Variants in OSBPL3 observed in about 807,000 individuals in gnomAD.
The protein encoded by OSBPL3 is oxysterol binding protein like 3, also known as oxysterol-binding protein-related protein 3.
In OSBPL3, 65 loss-of-function variants were observed where a neutral mutation model predicts 120.1. That is an observed-to-expected ratio of 0.54 (90% confidence interval 0.44 to 0.67). The LOEUF (loss-of-function observed/expected upper bound fraction) is 0.67, where lower values mean the gene tolerates loss of function less well. Among genes scored for constraint, OSBPL3 ranks in the 30% least tolerant of loss-of-function variants. The pLI, the probability that OSBPL3 is intolerant of heterozygous loss-of-function variation, is 0.00. For synonymous variants in OSBPL3, 416 were observed against 402.6 expected, an observed-to-expected ratio of 1.03 and a Z score of -0.40; for missense variants, 1,004 against 1,082.1, an observed-to-expected ratio of 0.93 and a Z score of 1.01.
intron 1 of OSBPL3, among the ~76,000 whole-genome samples, chr7:24,897,690 G>A (rs1002312562): frequency 1.9e-4 from 29 of 152,152 alleles, no homozygotes; most frequent in Admixed American, 1.6e-3. Flanking sequence ...TCCATAATGC[G>A]AGTGTGAACA....
Position 24,930,973 on chromosome 7 carries a change from G to A in OSBPL3, c.-149-38352C>T, listed in dbSNP as rs779620520. 3.3e-5 allele frequency among the ~76,000 whole-genome samples: 5 copies of A among 152,092 alleles called. No homozygotes were observed. Among genetic ancestry groups the A allele is most frequent in the East Asian group, 1.9e-4 (1 of 5,196 alleles). On this transcript the variant is annotated intron_variant, in intron 1 of 22. Coordinates refer to ENST00000313367, the MANE Select transcript of OSBPL3 (RefSeq NM_015550.4). This position sits in a 1 kb window ranked among gnomAD's most constrained non-coding sequence, Gnocchi z 4.4. The stretch of plus-strand genomic sequence containing the variant: ...TATTTAACATTCTCACAGGAAGTAC[G>A]TGTTCAGAGGCAAAAAGTGAGCTGT...
rs1364071789 is a variant in OSBPL3 at position 24,918,023 on chromosome 7, C to T, written c.-149-25402G>A. Reference sequence around the variant, plus strand: ...TTTCAAATTCAGTGATCCTATGAGTCCATAAAATGACTAGCACTCTTACCT... The same window carrying T: ...TTTCAAATTCAGTGATCCTATGAGTTCATAAAATGACTAGCACTCTTACCT... On this transcript the variant is annotated intron_variant, in intron 1 of 22. Transcript: ENST00000313367. The surrounding 1 kb of genome is among the most constrained non-coding windows in gnomAD (Gnocchi z 4.3). 1 of 951,968 alleles carries T rather than the reference C, an allele frequency of 1.1e-6. No individual in the cohort carries two copies. Among genetic ancestry groups the T allele is most frequent in the African/African-American group, 1.8e-5 (1 of 56,576 alleles). The allele number at this position is 951,968 out of a possible 1,614,324, so 59.0% of individuals were successfully genotyped here. A position where few individuals can be genotyped will look rare whatever the true frequency, so the allele number is the denominator to read the frequency against.
At position 24,815,231 on chromosome 7, in the gene OSBPL3, C is replaced by G. The variant is rs1269562332; in HGVS notation, c.2028-28G>C. On this transcript the variant is annotated intron_variant, in intron 18 of 22. Coordinates refer to ENST00000313367, the MANE Select transcript of OSBPL3 (RefSeq NM_015550.4). The surrounding 1 kb of genome is among the most constrained non-coding windows in gnomAD (Gnocchi z 5.1). ...AAAAAGAAGGAAAAAGTAGAAGTAC[C>G]AATTTCTAGAAGAGCCAGCAGCAAA... 1 of 1,597,304 alleles carries G rather than the reference C, an allele frequency of 6.3e-7. No homozygotes were observed. Among genetic ancestry groups the G allele is most frequent in the Admixed American group, 1.7e-5 (1 of 59,080 alleles).
intron 1 of OSBPL3, among the ~76,000 whole-genome samples, chr7:24,919,482 C>T (rs1810121593): frequency 6.6e-6 from 1 of 151,980 alleles, no homozygotes; most frequent in Non-Finnish European, 1.5e-5. Flanking sequence ...AGTTGGGCCC[C>T]CTACCTCACA....
Position 24,815,418 on chromosome 7 carries a change from G to A in OSBPL3, c.2028-215C>T, listed in dbSNP as rs544941888. On this transcript the variant is annotated intron_variant, in intron 18 of 22. Coordinates refer to ENST00000313367, the MANE Select transcript of OSBPL3 (RefSeq NM_015550.4). The surrounding 1 kb of genome is among the most constrained non-coding windows in gnomAD (Gnocchi z 5.1). The stretch of plus-strand genomic sequence containing the variant: ...ATGCCACAGAGAATGACAGCATTCA[G>A]ACTTTGCACTCTGGAAGCTACCAGA... Among the ~76,000 whole-genome samples the A allele has an allele frequency of 6.6e-6, 1 of 152,342 alleles. No homozygotes were observed. Among genetic ancestry groups the A allele is most frequent in the South Asian group, 2.1e-4 (1 of 4,822 alleles).
Position 24,798,563 on chromosome 7 carries a change from G to A in OSBPL3, c.*1620C>T, listed in dbSNP as rs912200927. 6.6e-6 allele frequency: 1 copy of A among 152,112 alleles called. No individual in the cohort carries two copies. Among genetic ancestry groups the A allele is most frequent in the Non-Finnish European group, 1.5e-5 (1 of 68,020 alleles). 9.4% of individuals were successfully genotyped at this position (152,112 alleles called of 1,614,324 possible). A position where few individuals can be genotyped will look rare whatever the true frequency, so the allele number is the denominator to read the frequency against. On this transcript the variant is annotated 3_prime_UTR_variant, in exon 23 of 23. Coordinates refer to ENST00000313367, the MANE Select transcript of OSBPL3 (RefSeq NM_015550.4). The surrounding 1 kb of genome is among the most constrained non-coding windows in gnomAD (Gnocchi z 4.6). ...ATAAAATGAATCCAATATTTAATGAGTTGTTTTAAAATGCCAGTCACGTGC... is the reference window on the plus strand; with the variant it reads ...ATAAAATGAATCCAATATTTAATGAATTGTTTTAAAATGCCAGTCACGTGC...
In OSBPL3 at chr7:24,871,829, T is replaced by G. The variant is rs1330692167; in HGVS notation, c.214-34A>C. On this transcript the variant is annotated intron_variant, in intron 3 of 22. Coordinates refer to ENST00000313367, the MANE Select transcript of OSBPL3 (RefSeq NM_015550.4). The surrounding 1 kb of genome is among the most constrained non-coding windows in gnomAD (Gnocchi z 4.8). ...AAGAAAGTATTATTAATTAAGGCAT[T>G]CAATTTAGGTGCCCTTTTCTTGGTC... 6.5e-7 allele frequency: 1 copy of G among 1,535,678 alleles called. No individual in the cohort carries two copies. Among genetic ancestry groups the G allele is most frequent in the East Asian group, 2.2e-5 (1 of 44,496 alleles).
rs1395462193 is a variant in OSBPL3, at chr7:24,955,115, T to C, written c.-150+24771A>G. Among the ~76,000 whole-genome samples, 1 of 152,226 alleles carries C rather than the reference T, an allele frequency of 6.6e-6. No individual in the cohort carries two copies. The highest frequency in any genetic ancestry group is 2.4e-5 in the African/African-American group (1 of 41,460). On this transcript the variant is annotated intron_variant, in intron 1 of 22. Coordinates refer to ENST00000313367, the MANE Select transcript of OSBPL3 (RefSeq NM_015550.4). The surrounding 1 kb of genome is among the most constrained non-coding windows in gnomAD (Gnocchi z 4.3). Reference sequence around the variant, plus strand: ...GTTTCATGAAAGCAGGGATTTTCTTTTGTTCACTACTATACATATTACCAA... The same window carrying C: ...GTTTCATGAAAGCAGGGATTTTCTTCTGTTCACTACTATACATATTACCAA...
intron 2 of OSBPL3, among the ~76,000 whole-genome samples, chr7:24,878,854 A>G (rs751310163): frequency 3.3e-5 from 5 of 152,168 alleles, no homozygotes; most frequent in Admixed American, 1.3e-4. Context: ...GGTCTGGGGG[A>G]GGCCTGAGAT....
At chr7:24,921,541 C>T (rs1425893883) in intron 1 of OSBPL3, among the ~76,000 whole-genome samples, 1 of 152,172 alleles carries the variant, frequency 6.6e-6, no homozygotes, top group African/African-American at 2.4e-5. Context: ...ACACGCCTTC[C>T]AAGGTCAACT....
rs925058657 is a variant in OSBPL3, at chr7:24,955,024, G to C, written c.-150+24862C>G. ...GCCTCAAAGATCCATAATGTGCCTT[G>C]GTTACCTCTTGATTCTCAGTATCTG... On this transcript the variant is annotated intron_variant, in intron 1 of 22. Coordinates refer to ENST00000313367, the MANE Select transcript of OSBPL3 (RefSeq NM_015550.4). The surrounding 1 kb of genome is among the most constrained non-coding windows in gnomAD (Gnocchi z 4.3). 1.3e-5 allele frequency among the ~76,000 whole-genome samples: 2 copies of C among 152,070 alleles called. No individual in the cohort carries two copies. Among genetic ancestry groups the C allele is most frequent in the Admixed American group, 1.3e-4 (2 of 15,262 alleles).
rs34559902 is a variant in OSBPL3 at position 24,845,384 on chromosome 7, T to TAAAAAAAAAAAAA, written c.1267-2984_1267-2972dup. Reference sequence around the variant, plus strand: ...GAATTTACAAATATTGCAAAATAAGTAAAAAAAAAAAAAAAAAAAAAAAAA... The same window carrying TAAAAAAAAAAAAA: ...GAATTTACAAATATTGCAAAATAAGTAAAAAAAAAAAAAAAAAAAAAAAAAAAAAAAAAAAAAA... On this transcript the variant is annotated intron_variant, in intron 12 of 22. Transcript: ENST00000313367. 3.0e-3 allele frequency among the ~76,000 whole-genome samples: 188 copies of TAAAAAAAAAAAAA among 62,252 alleles called. 1 individual carries two copies. Among genetic ancestry groups the TAAAAAAAAAAAAA allele is most frequent in the Middle Eastern group, 0.025 (1 of 40 alleles). The allele number at this position is 62,252 out of a possible 152,430, so 40.8% of individuals were successfully genotyped here.
intron 20 of OSBPL3, among the ~76,000 whole-genome samples, chr7:24,807,314 G>A (rs770403698): frequency 9.2e-5 from 14 of 151,882 alleles, no homozygotes; most frequent in Non-Finnish European, 1.6e-4. Context: ...CCAACATGGC[G>A]AAACACCATC....
At chr7:24,811,250 A>G (rs1381003770) in intron 19 of OSBPL3, among the ~76,000 whole-genome samples, 2 of 152,074 alleles carry the variant, frequency 1.3e-5, no homozygotes, top group East Asian at 3.9e-4. Flanking sequence ...TGTGGTTTCA[A>G]TTTGCATTTC....
chr7:24,811,243 G>A (rs1373305318), intron 19 of OSBPL3, among the ~76,000 whole-genome samples: 1 of 152,072 alleles, frequency 6.6e-6, no homozygotes, highest in Admixed American at 6.5e-5. Context: ...ATCTCATTGT[G>A]GTTTCAATTT....
chr7:24,945,639 G>GA (rs1813635478), intron 1 of OSBPL3, among the ~76,000 whole-genome samples: 2 of 152,206 alleles, frequency 1.3e-5, no homozygotes, highest in African/African-American at 4.8e-5. Flanking sequence ...GCAGCAAGGG[G>GA]AAAAAAATAG....
chr7:24,928,292 C>T (rs1424954395), intron 1 of OSBPL3, among the ~76,000 whole-genome samples: 1 of 151,176 alleles, frequency 6.6e-6, no homozygotes, highest in Admixed American at 6.6e-5. Flanking sequence ...CCCAGGTTCA[C>T]GCCATTCTCC....
rs1271056943 is a variant in OSBPL3 at position 24,867,006 on chromosome 7, T to C, written c.382-769A>G. On this transcript the variant is annotated intron_variant, in intron 5 of 22. Transcript: ENST00000313367. This position sits in a 1 kb window ranked among gnomAD's most constrained non-coding sequence, Gnocchi z 4.5. ...TAGTAGAGGCGGGGTTTCACCATGT[T>C]GGCCAGGCTGGTCTCGAACTCCTGA... Among the ~76,000 whole-genome samples the C allele has an allele frequency of 6.6e-6, 1 of 152,162 alleles. No homozygotes were observed. Among genetic ancestry groups the C allele is most frequent in the African/African-American group, 2.4e-5 (1 of 41,442 alleles).
In OSBPL3 at chr7:24,909,725, G is replaced by GT. The variant is rs563583681; in HGVS notation, c.-149-17105dup. Among the ~76,000 whole-genome samples, 6 of 144,806 alleles carry GT rather than the reference G, an allele frequency of 4.1e-5. No homozygotes were observed. In the South Asian group the frequency reaches 1.4e-3, roughly 34 times the overall value. 95.0% of individuals were successfully genotyped at this position (144,806 alleles called of 152,430 possible). A position where few individuals can be genotyped will look rare whatever the true frequency, so the allele number is the denominator to read the frequency against. On this transcript the variant is annotated intron_variant, in intron 1 of 22. Coordinates refer to ENST00000313367, the MANE Select transcript of OSBPL3 (RefSeq NM_015550.4). ...GTGCCAGAAACAGGAACCTATGGCA[G>GT]TAAGAATCCTTTTCATTATTTGACA...
Sources: allele counts gnomAD v4.1 joint callset (sites outside exome capture counted in the v4.1 genomes callset), GRCh38; gene constraint gnomAD v4.1.1; non-coding constraint Gnocchi (gnomAD v3.1); transcripts MANE v1.5; gene names NCBI Gene and HGNC (gene_info 2026-07-23, HGNC 2026-07-21).